Variants in ZNF726 observed in about 807,000 individuals in gnomAD.
ZNF726 encodes the protein zinc finger protein 92 pseudogene 3.
A neutral mutation model predicts 11.6 loss-of-function variants in ZNF726; 15 were observed. The ratio of observed to expected loss-of-function variants is 1.29; its 90% CI spans 0.86 to 1.99. The LOEUF is 1.99. Among genes scored for constraint, ZNF726 ranks in the 30% most tolerant of loss-of-function variants. ZNF726 has a pLI of 0.00. For synonymous variants in ZNF726, 295 were observed against 243.6 expected (o/e 1.21, Z -1.96); for missense variants, 890 against 725.6 (o/e 1.23, Z -2.60).
chr19:23,936,119 T>C (rs529186724), downstream of ZNF726: 4 of 152,192 alleles, frequency 2.6e-5, no homozygotes, highest in South Asian at 2.1e-4. Flanking sequence ...TTTCAAAAAC[T>C]ACAAATTATG....
At chr19:23,928,603 C>G (rs1022857525) in intron 3 of ZNF726, 4 of 152,100 alleles carry the variant, frequency 2.6e-5, no homozygotes, top group African/African-American at 9.7e-5. Context: ...CACGTTAGCA[C>G]TTGACTTAAA....
Position 23,914,894 on chromosome 19 carries a change from C to G in ZNF726, c.-101C>G. ...GATTTGGCGGGGCCTTTGTCTCTATCTGCGGCCGGAGCTCCAGGTCTCGTC... is the reference window on the plus strand; with the variant it reads ...GATTTGGCGGGGCCTTTGTCTCTATGTGCGGCCGGAGCTCCAGGTCTCGTC... On this transcript the variant is annotated 5_prime_UTR_variant, in exon 1 of 4. It adds an upstream start codon to the 5' untranslated region. Coordinates refer to ENST00000594466, the MANE Select transcript of ZNF726 (RefSeq NM_001244038.2). 6.4e-7 allele frequency: 1 copy of G among 1,552,198 alleles called. No individual in the cohort carries two copies. Among genetic ancestry groups the G allele is most frequent in the South Asian group, 1.1e-5 (1 of 87,168 alleles).
chr19:23,935,505 TAACA>T (rs1968215362), downstream of ZNF726: 1 of 433,010 alleles, frequency 2.3e-6, no homozygotes, highest in African/African-American at 2.0e-5. Context: ...CCTCAATTCT[TAACA>T]GATATAAGAT....
downstream of ZNF726, chr19:23,935,347 A>G (rs772078981): frequency 7.6e-6 from 4 of 528,728 alleles, no homozygotes; most frequent in East Asian, 5.3e-5. Context: ...CTAACTAGAC[A>G]TAAGAAAATT....
chr19:23,927,239 T>A (rs567119711), intron 3 of ZNF726, among the ~76,000 whole-genome samples: 3 of 152,246 alleles, frequency 2.0e-5, no homozygotes, highest in African/African-American at 7.2e-5. Flanking sequence ...AGTGCTAGGA[T>A]TACAGGTGTG....
At chr19:23,943,564 A>T in exon 4 of ZNF726, 1 of 670,714 alleles carries the variant, frequency 1.5e-6, no homozygotes, top group Admixed American at 2.0e-5. Flanking sequence ...ATGTGAAGAG[A>T]CATGAGACAG....
downstream of ZNF726, among the ~76,000 whole-genome samples, chr19:23,937,059 C>T (rs1252411280): frequency 2.0e-4 from 30 of 150,846 alleles, no homozygotes; most frequent in African/African-American, 6.1e-4. Context: ...CCTCACCTCC[C>T]GAACGGGGCG....
At chr19:23,936,142 G>A (rs548736822), downstream of ZNF726, 4 of 152,208 alleles carry the variant, frequency 2.6e-5, no homozygotes, top group South Asian at 2.1e-4. Context: ...ACACCAAAGC[G>A]TTCATACTAA....
downstream of ZNF726, among the ~76,000 whole-genome samples, chr19:23,937,601 G>A (rs1158099167): frequency 6.7e-6 from 1 of 150,306 alleles, no homozygotes; most frequent in African/African-American, 2.5e-5. Context: ...GCCGGGAAGA[G>A]GCGCTCCTCA....
chr19:23,935,160 A>C, downstream of ZNF726: 1 of 387,314 alleles, frequency 2.6e-6, no homozygotes, highest in East Asian at 7.3e-5. Context: ...TTGAATCCCC[A>C]CATGTTGTGG....
intron 3 of ZNF726, among the ~76,000 whole-genome samples, chr19:23,924,279 C>T (rs1239141822): frequency 2.6e-5 from 4 of 151,390 alleles, no homozygotes; most frequent in Admixed American, 6.6e-5. Context: ...GTCTCAAACT[C>T]CTGACCTCAG....
intron 3 of ZNF726, among the ~76,000 whole-genome samples, chr19:23,930,603 A>G (rs1240836971): frequency 4.6e-5 from 7 of 151,896 alleles, no homozygotes; most frequent in African/African-American, 7.3e-5. Flanking sequence ...TTATCCTTGT[A>G]TTTTTTTAAT....
At chr19:23,939,730 G>C (rs186788982) in intron 3 of ZNF726, among the ~76,000 whole-genome samples, 64 of 152,100 alleles carry the variant, frequency 4.2e-4, no homozygotes, top group Non-Finnish European at 6.0e-4. Context: ...CAGGAATAAG[G>C]TGGTATGGCA....
At chr19:23,930,833 C>T (rs561289678) in intron 3 of ZNF726, among the ~76,000 whole-genome samples, 59 of 152,174 alleles carry the variant, frequency 3.9e-4, no homozygotes, top group African/African-American at 1.3e-3. Flanking sequence ...CTAAAAAACA[C>T]GACAAAATTT....
At chr19:23,937,407 AG>A (rs1440246030), downstream of ZNF726, among the ~76,000 whole-genome samples, 8 of 151,294 alleles carry the variant, frequency 5.3e-5, no homozygotes, top group African/African-American at 1.9e-4. Flanking sequence ...TGCCGGGCAG[AG>A]GGGCTCCTCA....
In ZNF726 at chr19:23,914,908, C is replaced by T. The variant is rs1967657081; in HGVS notation, c.-87C>T. ...TTTGTCTCTATCTGCGGCCGGAGCT[C>T]CAGGTCTCGTCCTCACTACTCTGTG... is the stretch of plus-strand genomic sequence containing the variant. On this transcript the variant is annotated 5_prime_UTR_variant, in exon 1 of 4. Coordinates refer to ENST00000594466, the MANE Select transcript of ZNF726 (RefSeq NM_001244038.2). 12 of 1,589,102 alleles carry T rather than the reference C, an allele frequency of 7.6e-6. No individual in the cohort carries two copies. Among genetic ancestry groups the T allele is most frequent in the Non-Finnish European group, 1.0e-5 (12 of 1,165,384 alleles).
chr19:23,925,713 C>CTTTT (rs1207103965), intron 3 of ZNF726, among the ~76,000 whole-genome samples: 19 of 112,592 alleles, frequency 1.7e-4, no homozygotes, highest in African/African-American at 4.2e-4. Flanking sequence ...TTTTTCTTTT[C>CTTTT]TTTTTTTTTT....
Position 23,914,888 on chromosome 19 carries a change from C to T in ZNF726, c.-107C>T, listed in dbSNP as rs1455108206. The T allele has an allele frequency of 2.6e-6, 4 of 1,527,812 alleles. No individual in the cohort carries two copies. The highest frequency in any genetic ancestry group is 1.2e-5 in the South Asian group (1 of 85,714). 94.6% of individuals were successfully genotyped at this position (1,527,812 alleles called of 1,614,324 possible). ...TTCCGGGATTTGGCGGGGCCTTTGTCTCTATCTGCGGCCGGAGCTCCAGGT... is the reference window on the plus strand; with the variant it reads ...TTCCGGGATTTGGCGGGGCCTTTGTTTCTATCTGCGGCCGGAGCTCCAGGT... On this transcript the variant is annotated 5_prime_UTR_variant, in exon 1 of 4. Coordinates refer to ENST00000594466, the MANE Select transcript of ZNF726 (RefSeq NM_001244038.2).
At chr19:23,919,856 T>C in intron 2 of ZNF726, 131 bp from the exon 3 acceptor site, 1 of 527,224 alleles carries the variant, frequency 1.9e-6, no homozygotes, top group African/African-American at 2.0e-5. Context: ...ATTTAAAAAT[T>C]TCTGTTATAA....
Sources: allele counts gnomAD v4.1 joint callset (sites outside exome capture counted in the v4.1 genomes callset), GRCh38; gene constraint gnomAD v4.1.1; transcripts MANE v1.5; gene names NCBI Gene and HGNC (gene_info 2026-07-23, HGNC 2026-07-21).